DNM3: variants seen among roughly 807,000 people sequenced by gnomAD.
DNM3 encodes dynamin 3, also known as dynamin-3.
A neutral mutation model predicts 101.6 loss-of-function variants in DNM3; 47 were observed. The observed-to-expected ratio is 0.46, with a 90% CI of 0.37 to 0.59. The LOEUF (loss-of-function observed/expected upper bound fraction) is 0.59. Among genes scored for constraint, DNM3 ranks in the 20% least tolerant of loss-of-function variants. The pLI is 0.00. For synonymous variants in DNM3, 385 were observed against 387.9 expected (o/e 0.99, Z 0.09); for missense variants, 849 against 1,085.7 (o/e 0.78, Z 3.06).
Position 172,370,614 on chromosome 1 carries a change from A to G in DNM3, c.1894-8404A>G, listed in dbSNP as rs183225483. Among the ~76,000 whole-genome samples the G allele has an allele frequency of 3.6e-4, 54 of 152,072 alleles. 1 individual carries two copies. The highest frequency in any genetic ancestry group is 9.2e-4 in the Admixed American group (14 of 15,234). On this transcript the variant is annotated intron_variant, in intron 17 of 20. Coordinates refer to ENST00000627582, the MANE Select transcript of DNM3 (RefSeq NM_015569.5). The stretch of plus-strand genomic sequence containing the variant: ...GCCAGGTACTCTTCTGAATTTCTAC[A>G]CTACTAATTTATTTAATCCATACAA...
chr1:172,211,428 G>A lies in DNM3; in HGVS notation c.1660-42145G>A, dbSNP rs2060510643. Among the ~76,000 whole-genome samples, 4 of 152,126 alleles carry A rather than the reference G, an allele frequency of 2.6e-5. No individual in the cohort carries two copies. In the South Asian group the frequency reaches 8.3e-4, roughly 32 times the overall value. On this transcript the variant is annotated intron_variant, in intron 14 of 20. Coordinates refer to ENST00000627582, the MANE Select transcript of DNM3 (RefSeq NM_015569.5). ...CTGGAAAAAGTCTTATAGTCTGGGA[G>A]ACATTCCAAAATATGTGCAGTGACC...
chr1:171,973,261 A>G (rs2125556073), intron 2 of DNM3, among the ~76,000 whole-genome samples: 2 of 152,320 alleles, frequency 1.3e-5, no homozygotes, highest in South Asian at 4.1e-4. Flanking sequence ...GGTGGCTAAC[A>G]GATTGTAACT....
chr1:172,042,237 A>G, intron 8 of DNM3, 93 bp downstream of exon 8: 2 of 1,248,236 alleles, frequency 1.6e-6, no homozygotes, highest in Non-Finnish European at 1.1e-6. Flanking sequence ...GTGGTATAGA[A>G]CTAACATAGT....
At chr1:172,105,625 G>T (rs192185816) in intron 13 of DNM3, among the ~76,000 whole-genome samples, 32 of 152,170 alleles carry the variant, frequency 2.1e-4, no homozygotes, top group African/African-American at 7.2e-4. Context: ...TTAAAATCTT[G>T]TCATATCCCA....
intron 15 of DNM3, among the ~76,000 whole-genome samples, chr1:172,261,859 G>A (rs1289437378): frequency 6.6e-6 from 1 of 152,178 alleles, no homozygotes; most frequent in East Asian, 1.9e-4. Flanking sequence ...TGGTCAACTG[G>A]CCTGGATGAT....
At chr1:172,401,230 T>C (rs1034159959) in intron 20 of DNM3, among the ~76,000 whole-genome samples, 1 of 152,222 alleles carries the variant, frequency 6.6e-6, no homozygotes, top group Non-Finnish European at 1.5e-5. Context: ...TGTTCTATTC[T>C]ATTGAAAAGC....
rs542727926 is a variant in DNM3 at position 172,199,188 on chromosome 1, G to C, written c.1660-54385G>C. On this transcript the variant is annotated intron_variant, in intron 14 of 20. Transcript: ENST00000627582. ...TTACCCAAAAGTCATTCAGGAGTAT[G>C]TTGTTTAATTTCCATGTAATTGCAT... Among the ~76,000 whole-genome samples, 6 of 152,138 alleles carry C rather than the reference G, an allele frequency of 3.9e-5. No homozygotes were observed. The East Asian group carries it at 1.2e-3, about 29-fold the overall frequency.
intron 14 of DNM3, among the ~76,000 whole-genome samples, chr1:172,235,421 T>TG (rs1388246944): frequency 3.3e-5 from 5 of 152,152 alleles, no homozygotes; most frequent in Non-Finnish European, 7.3e-5. Context: ...AGTTCAACCA[T>TG]TGTGGAAGTC....
chr1:172,418,350 A>T, exon 21 of DNM3: 1 of 1,286,848 alleles, frequency 7.8e-7, no homozygotes. Context: ...GTTTCCAACA[A>T]CATGTCTATC....
At chr1:171,882,680 T>A (rs12048200) in intron 1 of DNM3, among the ~76,000 whole-genome samples, 1 of 152,054 alleles carries the variant, frequency 6.6e-6, no homozygotes, top group Non-Finnish European at 1.5e-5. Context: ...TCATGTCTTT[T>A]AAATTTTTAA....
chr1:172,334,759 CA>C (rs1404074523), intron 17 of DNM3, among the ~76,000 whole-genome samples: 2 of 151,904 alleles, frequency 1.3e-5, no homozygotes, highest in Admixed American at 1.3e-4. Context: ...AATAACCAAA[CA>C]GATTTTCATA....
chr1:171,868,184 G>C (rs2034945012), intron 1 of DNM3, among the ~76,000 whole-genome samples: 1 of 152,148 alleles, frequency 6.6e-6, no homozygotes, highest in Admixed American at 6.5e-5. Flanking sequence ...TGGTGGTGAA[G>C]CATTTCTTAA....
At chr1:172,209,640 G>C (rs1389466160) in intron 14 of DNM3, among the ~76,000 whole-genome samples, 1 of 151,956 alleles carries the variant, frequency 6.6e-6, no homozygotes, top group Non-Finnish European at 1.5e-5. Context: ...TTCTGTGTCT[G>C]ACGGTGCTCC....
intron 15 of DNM3, among the ~76,000 whole-genome samples, chr1:172,287,758 GA>G (rs1481163516): frequency 3.4e-5 from 5 of 148,834 alleles, no homozygotes; most frequent in African/African-American, 1.2e-4. Flanking sequence ...GAAAGATAAG[GA>G]AAAAAGTATT....
At chr1:171,893,466 T>C (rs763894406) in intron 1 of DNM3, among the ~76,000 whole-genome samples, 2 of 147,236 alleles carry the variant, frequency 1.4e-5, no homozygotes, top group Non-Finnish European at 3.0e-5. Flanking sequence ...TTTTTTTTTG[T>C]CTTTTGAGAC....
At chr1:171,967,041 A>G (rs1183562790) in intron 2 of DNM3, among the ~76,000 whole-genome samples, 1 of 152,130 alleles carries the variant, frequency 6.6e-6, no homozygotes, top group Non-Finnish European at 1.5e-5. Context: ...GGAAGTTGTC[A>G]TGCCAGCTGA....
At chr1:172,067,724 A>G (rs1226371572) in intron 10 of DNM3, among the ~76,000 whole-genome samples, 2 of 152,168 alleles carry the variant, frequency 1.3e-5, no homozygotes, top group East Asian at 3.9e-4. Flanking sequence ...TAAGGTATTC[A>G]CTTTTGCAAA....
At chr1:172,281,903 T>C (rs2063505202) in intron 15 of DNM3, among the ~76,000 whole-genome samples, 1 of 152,204 alleles carries the variant, frequency 6.6e-6, no homozygotes, top group African/African-American at 2.4e-5. Flanking sequence ...CCCATAAATA[T>C]GTATAACTCT....
chr1:172,044,319 G>A, intron 8 of DNM3, 66 bp from the exon 9 acceptor site: 5 of 1,343,784 alleles, frequency 3.7e-6, no homozygotes, highest in East Asian at 4.9e-5. Context: ...TTCTCATTCT[G>A]TAATGTTCAA....
Sources: allele counts gnomAD v4.1 joint callset (sites outside exome capture counted in the v4.1 genomes callset), GRCh38; gene constraint gnomAD v4.1.1; transcripts MANE v1.5; gene names NCBI Gene and HGNC (gene_info 2026-07-23, HGNC 2026-07-21).